Variants in MKX observed in about 807,000 individuals in gnomAD.
The protein encoded by MKX is homeobox protein Mohawk.
MKX carries 13 observed loss-of-function variants against 36.0 expected under a neutral mutation model. That is an observed-to-expected ratio of 0.36 (90% CI 0.24 to 0.57). The LOEUF is 0.57. MKX is among the 20% of genes least tolerant of loss of function. The pLI, the probability that MKX is intolerant of heterozygous loss-of-function variation, is 0.79. For synonymous variants in MKX, 176 were observed against 178.3 expected (o/e 0.99, Z 0.10); for missense variants, 458 against 456.4 (o/e 1.00, Z -0.03).
intron 5 of MKX, among the ~76,000 whole-genome samples, chr10:27,707,077 G>A (rs770456144): frequency 2.8e-4 from 41 of 147,600 alleles, no homozygotes; most frequent in Non-Finnish European, 5.8e-4. Flanking sequence ...CTGATGGGGA[G>A]AGATTAATTT....
intron 5 of MKX, among the ~76,000 whole-genome samples, chr10:27,720,878 T>C (rs1471637943): frequency 6.6e-6 from 1 of 152,040 alleles, no homozygotes; most frequent in Non-Finnish European, 1.5e-5. Context: ...ACTTGAACAA[T>C]GGAACTAGAT....
At chr10:27,726,401 G>A (rs763509088) in intron 5 of MKX, among the ~76,000 whole-genome samples, 1 of 152,170 alleles carries the variant, frequency 6.6e-6, no homozygotes, top group Non-Finnish European at 1.5e-5. Context: ...GTTTAAATGA[G>A]TGGGTTTAGA....
chr10:27,743,510 G>T lies in MKX; in HGVS notation c.-82-13C>A. ...CGGGGCTCGGCTTCTAGGAGAGGAA[G>T]GTGCATCTCGTTACTTACTGGCTGA... On this transcript the variant is annotated splice_polypyrimidine_tract_variant and intron_variant, in intron 1 of 6. Coordinates refer to ENST00000419761, the MANE Select transcript of MKX (RefSeq NM_173576.3). The T allele has an allele frequency of 1.6e-6, 2 of 1,288,998 alleles. No homozygotes were observed. Among genetic ancestry groups the T allele is most frequent in the Non-Finnish European group, 2.1e-6 (2 of 963,316 alleles). The allele number at this position is 1,288,998 out of a possible 1,614,324, so 79.8% of individuals were successfully genotyped here.
intron 5 of MKX, among the ~76,000 whole-genome samples, chr10:27,725,951 A>T (rs1293047844): frequency 1.1e-4 from 17 of 152,138 alleles, no homozygotes; most frequent in African/African-American, 4.1e-4. Context: ...ATTTTTTACG[A>T]CTTATTTAGA....
intron 5 of MKX, among the ~76,000 whole-genome samples, chr10:27,710,938 C>T (rs1285298093): frequency 1.3e-5 from 2 of 152,114 alleles, no homozygotes; most frequent in Non-Finnish European, 2.9e-5. Flanking sequence ...GGATTACAGC[C>T]GTAAGCCACT....
At chr10:27,717,786 G>A (rs1374557930) in intron 5 of MKX, among the ~76,000 whole-genome samples, 1 of 152,226 alleles carries the variant, frequency 6.6e-6, no homozygotes, top group Non-Finnish European at 1.5e-5. Context: ...GACCTCATCA[G>A]CGTGATTTTA....
intron 5 of MKX, among the ~76,000 whole-genome samples, chr10:27,695,374 G>T (rs1442058366): frequency 6.6e-6 from 1 of 151,500 alleles, no homozygotes; most frequent in South Asian, 2.1e-4. Flanking sequence ...TAATTACACC[G>T]CCCACAGTAT....
At chr10:27,676,417 G>A (rs1434593964) in intron 5 of MKX, among the ~76,000 whole-genome samples, 5 of 120,838 alleles carry the variant, frequency 4.1e-5, no homozygotes, top group Non-Finnish European at 6.7e-5. Flanking sequence ...TTGCTCTGTT[G>A]CCCAGGCTGG....
chr10:27,715,259 A>C (rs879621656), intron 5 of MKX, among the ~76,000 whole-genome samples: 3 of 152,124 alleles, frequency 2.0e-5, no homozygotes, highest in Non-Finnish European at 2.9e-5. Context: ...CTCTCTACAG[A>C]GATGTTCAGT....
intron 5 of MKX, among the ~76,000 whole-genome samples, chr10:27,700,965 T>A (rs1182805120): frequency 6.6e-6 from 1 of 152,192 alleles, no homozygotes; most frequent in Non-Finnish European, 1.5e-5. Context: ...ATAGTAGGTG[T>A]ATATACCTAT....
At chr10:27,704,949 T>C (rs1325010487) in intron 5 of MKX, among the ~76,000 whole-genome samples, 3 of 152,212 alleles carry the variant, frequency 2.0e-5, no homozygotes, top group Admixed American at 1.3e-4. Flanking sequence ...TAATGAATAT[T>C]ACAGGCTCAT....
rs1907375 is a variant in MKX at position 27,741,164 on chromosome 10, G to A, written c.348+181C>T. Among the ~76,000 whole-genome samples, 102,128 of 151,574 alleles carry A rather than the reference G, an allele frequency of 0.67. 36,314 individuals are homozygous for A. The highest frequency in any genetic ancestry group is 0.8 in the Non-Finnish European group (54,200 of 67,824). On this transcript the variant is annotated intron_variant, in intron 3 of 6. Coordinates refer to ENST00000419761, the MANE Select transcript of MKX (RefSeq NM_173576.3). The surrounding 1 kb of genome is among the most constrained non-coding windows in gnomAD (Gnocchi z 5.1). ...GACAGCGCATCCTGCATTCTTTCCT[G>A]CACGGAGCATCTGCACTGAACTGAG...
intron 5 of MKX, among the ~76,000 whole-genome samples, chr10:27,713,916 T>C (rs1836916524): frequency 1.3e-5 from 2 of 151,564 alleles, no homozygotes; most frequent in South Asian, 2.1e-4. Context: ...AGTTTCACTG[T>C]GTTCTAGCCT....
chr10:27,712,475 A>G (rs941322609), intron 5 of MKX, among the ~76,000 whole-genome samples: 1 of 152,096 alleles, frequency 6.6e-6, no homozygotes, highest in African/African-American at 2.4e-5. Flanking sequence ...AGAACATGGG[A>G]TTTTGAGGCA....
At chr10:27,740,224 T>C (rs1489442200) in intron 3 of MKX, among the ~76,000 whole-genome samples, 1 of 152,220 alleles carries the variant, frequency 6.6e-6, no homozygotes, top group African/African-American at 2.4e-5. Context: ...GCAATCTTTA[T>C]TTTATCCACT....
At chr10:27,683,700 T>A (rs1171878174) in intron 5 of MKX, among the ~76,000 whole-genome samples, 1 of 152,218 alleles carries the variant, frequency 6.6e-6, no homozygotes, top group Non-Finnish European at 1.5e-5. Context: ...GTTACTGACC[T>A]CAGAAGTCCA....
rs375315897 is a variant in MKX, at chr10:27,710,273, G to T, written c.838+24183C>A. On this transcript the variant is annotated intron_variant, in intron 5 of 6. Transcript: ENST00000419761. ...GAGATTCCTAGAATTGTCCTGCAAT[G>T]AAAAAGTTGAAGATGAGCTAGGGCT... 4.9e-4 allele frequency among the ~76,000 whole-genome samples: 75 copies of T among 152,324 alleles called. No individual in the cohort carries two copies. In the South Asian group the frequency reaches 0.015, roughly 30 times the overall value.
In MKX at chr10:27,729,067, T is replaced by A. The variant is rs181699609; in HGVS notation, c.838+5389A>T. The stretch of plus-strand genomic sequence containing the variant: ...TTCTTCCCAGGGATATTCACCTCCA[T>A]CAAGCAGATGGGAAGTTAGCCCGAT... On this transcript the variant is annotated intron_variant, in intron 5 of 6. Transcript: ENST00000419761. Among the ~76,000 whole-genome samples, 5 of 152,288 alleles carry A rather than the reference T, an allele frequency of 3.3e-5. No homozygotes were observed. In the East Asian group the frequency reaches 9.7e-4, roughly 29 times the overall value.
intron 5 of MKX, among the ~76,000 whole-genome samples, chr10:27,706,521 A>C (rs1482083377): frequency 6.7e-6 from 1 of 149,628 alleles, no homozygotes; most frequent in Non-Finnish European, 1.5e-5. Flanking sequence ...ATTTTTCCCC[A>C]TCCTTGCCAA....
Sources: gnomAD v4.1 joint callset for allele counts (sites outside exome capture counted in the v4.1 genomes callset) on GRCh38, gnomAD v4.1.1 for gene constraint, Gnocchi (gnomAD v3.1) non-coding constraint, MANE v1.5 for transcripts, NCBI Gene and HGNC (gene_info 2026-07-23, HGNC 2026-07-21) for gene names.